Variants in PLEKHB1 observed in about 807,000 individuals in gnomAD.
PLEKHB1 encodes the protein pleckstrin homology domain-containing family B member 1.
Under a neutral mutation model 36.2 loss-of-function variants are expected in PLEKHB1, and 29 were observed. That is an observed-to-expected ratio of 0.80 (90% confidence interval 0.60 to 1.09). PLEKHB1 has a LOEUF of 1.09. Among genes scored for constraint, PLEKHB1 ranks in the 50% least tolerant of loss-of-function variants. The pLI is 0.00. For synonymous variants in PLEKHB1, 138 were observed against 140.0 expected, an observed-to-expected ratio of 0.99 and a Z score of 0.10; for missense variants, 330 against 348.2, an observed-to-expected ratio of 0.95 and a Z score of 0.42.
In PLEKHB1 at chr11:73,650,566, C is replaced by T. The variant is rs1667417522; in HGVS notation, c.108C>T (p.Arg36=). The T allele has an allele frequency of 6.2e-7, 1 of 1,611,674 alleles. No individual in the cohort carries two copies. Among genetic ancestry groups the T allele is most frequent in the Non-Finnish European group, 8.5e-7 (1 of 1,178,960 alleles). The change falls in exon 3 of 8, where the codon CGC becomes CGT. Residue 36 remains arginine (R), a synonymous_variant. Transcript: ENST00000354190. ...GWLWRQSSIL[R]RWKRNWFALW... is the part of the protein sequence containing the mutation. ...AATATCGTACAGGCTCCATCCTCCG[C>T]CGCTGGAAGCGGAACTGGTTTGCCC... is the stretch of plus-strand genomic sequence containing the variant.
chr11:73,656,045 GC>G, intron 6 of PLEKHB1, 138 bp downstream of exon 6: 2 of 723,480 alleles, frequency 2.8e-6, no homozygotes, highest in East Asian at 2.7e-5. Context: ...CAGCTGCTCT[GC>G]TGTACCCTCT....
chr11:73,653,071 G>C, intron 5 of PLEKHB1, 57 bp downstream of exon 5: 1 of 1,539,590 alleles, frequency 6.5e-7, no homozygotes, highest in Non-Finnish European at 8.9e-7. Context: ...ATGGAATCAT[G>C]AGTGACTCAG....
intron 6 of PLEKHB1, among the ~76,000 whole-genome samples, chr11:73,656,480 A>C (rs1272350397): frequency 6.6e-6 from 1 of 152,172 alleles, no homozygotes; most frequent in Non-Finnish European, 1.5e-5. Context: ...GGCTCAGGGA[A>C]TGTTCACTGA....
chr11:73,658,249 T>A (rs1030753830), intron 6 of PLEKHB1, among the ~76,000 whole-genome samples: 1 of 152,122 alleles, frequency 6.6e-6, no homozygotes, highest in Non-Finnish European at 1.5e-5. Context: ...GAGAAGCATA[T>A]CCCTAGCAAA....
chr11:73,653,773 C>G (rs908428219), intron 5 of PLEKHB1, among the ~76,000 whole-genome samples: 2 of 152,030 alleles, frequency 1.3e-5, no homozygotes, highest in Non-Finnish European at 1.5e-5. Context: ...AGAAGGACAG[C>G]TGGGGTGGCT....
chr11:73,661,444 C>T lies in PLEKHB1; in HGVS notation c.596-22C>T, dbSNP rs756964568. 1 of 1,613,320 alleles carries T rather than the reference C, an allele frequency of 6.2e-7. No homozygotes were observed. Among genetic ancestry groups the T allele is most frequent in the African/African-American group, 1.3e-5 (1 of 74,942 alleles). On this transcript the variant is annotated intron_variant, in intron 7 of 7. Transcript: ENST00000354190. This position sits in a 1 kb window ranked among gnomAD's most constrained non-coding sequence, Gnocchi z 4.6. ...TACTCCCTCCTAAGTCGCTGATCCT[C>T]ATGGGCTGTCTCCCTCTGCAGGCCC...
intron 6 of PLEKHB1, among the ~76,000 whole-genome samples, chr11:73,657,555 G>A (rs1590800792): frequency 6.6e-6 from 1 of 152,176 alleles, no homozygotes; most frequent in African/African-American, 2.4e-5. Flanking sequence ...TCTCTGGGCT[G>A]TCCCTATTTG....
Position 73,650,534 on chromosome 11 carries a change from C to A in PLEKHB1, c.95-19C>A, listed in dbSNP as rs781398469. The A allele has an allele frequency of 2.5e-6, 4 of 1,594,660 alleles. No individual in the cohort carries two copies. The East Asian group carries it at 9.0e-5, about 36-fold the overall frequency. ...GGCTCTGGGATCAGCCTGCCTAGTGCATCTGGAATATCGTACAGGCTCCAT... is the reference window on the plus strand; with the variant it reads ...GGCTCTGGGATCAGCCTGCCTAGTGAATCTGGAATATCGTACAGGCTCCAT... On this transcript the variant is annotated intron_variant, in intron 2 of 7. Coordinates refer to ENST00000354190, the MANE Select transcript of PLEKHB1 (RefSeq NM_021200.3).
intron 1 of PLEKHB1, chr11:73,647,371 C>T (rs979661005): frequency 1.6e-5 from 3 of 191,852 alleles, no homozygotes; most frequent in African/African-American, 7.1e-5. Flanking sequence ...TGCAACTTTA[C>T]TTTTTCTTTT....
At position 73,651,762 on chromosome 11, in the gene PLEKHB1, A is replaced by G. The variant is rs563590169; in HGVS notation, c.248-26A>G. 1.9e-6 allele frequency: 3 copies of G among 1,592,618 alleles called. No homozygotes were observed. The South Asian group carries it at 3.3e-5, about 18-fold the overall frequency. ...GGACCTGGGGCTTGTGCCTGTGGAAACCCATATATGTGTGTCTGCTTCCAG... is the reference window on the plus strand; with the variant it reads ...GGACCTGGGGCTTGTGCCTGTGGAAGCCCATATATGTGTGTCTGCTTCCAG... On this transcript the variant is annotated intron_variant, in intron 3 of 7. Transcript: ENST00000354190.
At chr11:73,653,602 G>A in intron 5 of PLEKHB1, 1 of 387,850 alleles carries the variant, frequency 2.6e-6, no homozygotes, top group South Asian at 1.9e-5. Context: ...TTTCATCCAG[G>A]TGGTAGTTCA....
At chr11:73,648,296 T>G (rs1459893763) in intron 1 of PLEKHB1, 1 of 153,002 alleles carries the variant, frequency 6.5e-6, no homozygotes, top group Non-Finnish European at 1.5e-5. Flanking sequence ...TGGGCTCCAT[T>G]GCTTACTAAT....
At chr11:73,654,172 G>C (rs758824073) in intron 5 of PLEKHB1, among the ~76,000 whole-genome samples, 4 of 152,224 alleles carry the variant, frequency 2.6e-5, no homozygotes, top group Non-Finnish European at 5.9e-5. Flanking sequence ...GGCCGAGACA[G>C]GCTGATGAGT....
At position 73,661,596 on chromosome 11, in the gene PLEKHB1, G is replaced by T. The variant is rs998150335; in HGVS notation, c.726G>T (p.Trp242Cys). The T allele has an allele frequency of 6.3e-6, 10 of 1,585,128 alleles. No homozygotes were observed. In the Admixed American group the frequency reaches 8.9e-5, roughly 14 times the overall value. ...ALGSLMWSPC[W>C]F ...GCTCGCTCATGTGGTCGCCCTGCTG[G>T]TTCTGAGCCCTGGGACTCGGAGCAC... The change falls in exon 8 of 8, where the codon TGG becomes TGT. Residue 242 changes from tryptophan (W) to cysteine (C), a missense_variant. Coordinates refer to ENST00000354190, the MANE Select transcript of PLEKHB1 (RefSeq NM_021200.3). This position sits in a 1 kb window ranked among gnomAD's most constrained non-coding sequence, Gnocchi z 4.6.
At chr11:73,651,650 A>G in intron 3 of PLEKHB1, 138 bp from the exon 4 acceptor site, 1 of 689,488 alleles carries the variant, frequency 1.5e-6, no homozygotes, top group Non-Finnish European at 2.6e-6. Flanking sequence ...TCCCTCAGAG[A>G]GTATATGGGA....
intron 1 of PLEKHB1, chr11:73,647,438 G>T: frequency 2.8e-6 from 1 of 354,612 alleles, no homozygotes; most frequent in African/African-American, 2.2e-5. Context: ...ATAAATGAGT[G>T]AACAAATGTC....
chr11:73,659,655 C>A (rs1273051440), intron 6 of PLEKHB1, among the ~76,000 whole-genome samples: 2 of 151,944 alleles, frequency 1.3e-5, no homozygotes, highest in East Asian at 3.9e-4. Flanking sequence ...AAAAAAAATT[C>A]TTCCTGAGAC....
intron 1 of PLEKHB1, 104 bp from the exon 2 acceptor site, chr11:73,648,908 T>C (rs1944824808): frequency 1.3e-6 from 2 of 1,482,462 alleles, no homozygotes; most frequent in East Asian, 5.2e-5. Context: ...TTACTAACCC[T>C]CCCTCAAACG....
At position 73,655,915 on chromosome 11, in the gene PLEKHB1, C is replaced by T; in HGVS notation, c.495+8C>T. On this transcript the variant is annotated splice_region_variant and intron_variant, in intron 6 of 7. Coordinates refer to ENST00000354190, the MANE Select transcript of PLEKHB1 (RefSeq NM_021200.3). ...GTTGAGAGGCGGATCTGGGTAAGTG[C>T]TGGCTCGGCCCTCCCTGCCTCCATA... 1 of 1,612,478 alleles carries T rather than the reference C, an allele frequency of 6.2e-7. No homozygotes were observed. The highest frequency in any genetic ancestry group is 8.5e-7 in the Non-Finnish European group (1 of 1,178,812).
Sources: allele counts gnomAD v4.1 joint callset (sites outside exome capture counted in the v4.1 genomes callset), GRCh38; gene constraint gnomAD v4.1.1; non-coding constraint Gnocchi (gnomAD v3.1); transcripts MANE v1.5; gene names NCBI Gene and HGNC (gene_info 2026-07-23, HGNC 2026-07-21).